Variants in SLC2A9 observed in about 807,000 individuals in gnomAD.
SLC2A9 encodes solute carrier family 2 member 9.
Under a neutral mutation model 50.6 loss-of-function variants are expected in SLC2A9, and 39 were observed. The observed-to-expected ratio is 0.77, with a 90% CI of 0.60 to 1.01. The LOEUF is 1.01. Ranked by LOEUF, SLC2A9 falls within the 50% of genes least tolerant of loss-of-function variation. SLC2A9 has a pLI of 0.00. For missense variants in SLC2A9, 686 were observed against 677.6 expected (o/e 1.01, Z -0.14); for synonymous variants, 324 against 276.9 (o/e 1.17, Z -1.69).
intron 8 of SLC2A9, among the ~76,000 whole-genome samples, chr4:9,893,792 G>T (rs1261473179): frequency 6.6e-6 from 1 of 152,150 alleles, no homozygotes; most frequent in African/African-American, 2.4e-5. Context: ...GATATCAGGG[G>T]CTTAGAGAGA....
rs1372512435 is a variant in SLC2A9, at chr4:10,008,368, T to G, written c.249+10607A>C. ...GCTGGAAAAGGTCCCTGGGCCCTCA[T>G]CAGTCAGCAGCTGTGCTGGCTCTGA... On this transcript the variant is annotated intron_variant, in intron 2 of 11. Coordinates refer to ENST00000264784, the MANE Select transcript of SLC2A9 (RefSeq NM_020041.3). Among the ~76,000 whole-genome samples, 7 of 152,336 alleles carry G rather than the reference T, an allele frequency of 4.6e-5. No homozygotes were observed. In the East Asian group the frequency reaches 1.2e-3, roughly 25 times the overall value.
At chr4:9,792,537 C>T (rs752139294) in intron 3 of SLC2A9, among the ~76,000 whole-genome samples, 2 of 151,964 alleles carry the variant, frequency 1.3e-5, no homozygotes, top group African/African-American at 2.4e-5. Context: ...AACATTGTTG[C>T]TAAAGAGTTT....
chr4:9,980,470 A>G, intron 5 of SLC2A9, 122 bp downstream of exon 5: 1 of 1,317,116 alleles, frequency 7.6e-7, no homozygotes, highest in Non-Finnish European at 1.1e-6. Flanking sequence ...TCCAATAATA[A>G]GTAAGAGGCT....
intron 5 of SLC2A9, among the ~76,000 whole-genome samples, chr4:9,965,350 C>T (rs1752898012): frequency 6.6e-6 from 1 of 152,162 alleles, no homozygotes; most frequent in Non-Finnish European, 1.5e-5. Flanking sequence ...CACACATTAT[C>T]ACCCTTTTTT....
chr4:9,900,796 A>G (rs1739458098), intron 8 of SLC2A9, among the ~76,000 whole-genome samples: 1 of 152,156 alleles, frequency 6.6e-6, no homozygotes, highest in African/African-American at 2.4e-5. Flanking sequence ...AGGAAGGAGA[A>G]TGAGTGTCCA....
intron 5 of SLC2A9, among the ~76,000 whole-genome samples, chr4:9,953,589 G>C (rs1243834419): frequency 1.3e-5 from 2 of 152,222 alleles, no homozygotes; most frequent in African/African-American, 2.4e-5. Flanking sequence ...TACATGCAAA[G>C]TGCTCAGCCT....
intron 8 of SLC2A9, among the ~76,000 whole-genome samples, chr4:9,902,179 C>T (rs1462450864): frequency 6.6e-6 from 1 of 152,240 alleles, no homozygotes; most frequent in African/African-American, 2.4e-5. Flanking sequence ...TCTCCATTCC[C>T]CTTTCTCTGC....
exon 2 of SLC2A9, chr4:9,771,320 G>A (rs1432006625): frequency 2.6e-6 from 1 of 390,624 alleles, no homozygotes; most frequent in Admixed American, 4.5e-5. Flanking sequence ...GGTGACTCAG[G>A]TATCCAGGCA....
intron 7 of SLC2A9, among the ~76,000 whole-genome samples, chr4:9,913,751 G>A (rs903909309): frequency 1.3e-5 from 2 of 152,176 alleles, no homozygotes; most frequent in African/African-American, 4.8e-5. Flanking sequence ...GAGGGGTCTG[G>A]GGTTGCTCCT....
intron 1 of SLC2A9, among the ~76,000 whole-genome samples, chr4:10,033,404 G>A (rs75968456): frequency 0.038 from 5,784 of 152,024 alleles, 180 homozygotes; most frequent in Non-Finnish European, 0.061. Context: ...TCTTCCCCCC[G>A]GCTCTGCTTC....
intron 3 of SLC2A9, among the ~76,000 whole-genome samples, chr4:9,989,177 A>G (rs1010073068): frequency 6.6e-6 from 1 of 152,092 alleles, no homozygotes; most frequent in Admixed American, 6.5e-5. Flanking sequence ...TTATATGCCC[A>G]TCCACCCCCT....
At chr4:9,856,853 T>TA (rs1730804778) in intron 10 of SLC2A9, among the ~76,000 whole-genome samples, 1 of 152,172 alleles carries the variant, frequency 6.6e-6, no homozygotes, top group East Asian at 1.9e-4. Context: ...CTAAGTCAAC[T>TA]AATATAGAAA....
At chr4:10,027,942 CT>C (rs1177536322) in intron 1 of SLC2A9, among the ~76,000 whole-genome samples, 3 of 152,194 alleles carry the variant, frequency 2.0e-5, no homozygotes. Context: ...GGCTTTATTT[CT>C]TCCATCTGTT....
At chr4:10,024,478 G>A (rs1273337245), upstream of SLC2A9, among the ~76,000 whole-genome samples, 3 of 152,226 alleles carry the variant, frequency 2.0e-5, no homozygotes, top group East Asian at 1.9e-4. Context: ...ACCACGTGAG[G>A]ACGCAGGGAG....
intron 10 of SLC2A9, among the ~76,000 whole-genome samples, chr4:9,874,663 G>A (rs1560221053): frequency 6.6e-6 from 1 of 152,252 alleles, no homozygotes; most frequent in East Asian, 1.9e-4. Flanking sequence ...CTTGTGAGTT[G>A]ATGTAGGAGA....
intron 2 of SLC2A9, among the ~76,000 whole-genome samples, chr4:10,018,486 G>A (rs1054805475): frequency 6.6e-6 from 1 of 152,008 alleles, no homozygotes; most frequent in Non-Finnish European, 1.5e-5. Context: ...CGGTTGCAGT[G>A]AGCCGAGATC....
At chr4:9,889,324 T>C (rs1349859715) in intron 9 of SLC2A9, among the ~76,000 whole-genome samples, 1 of 152,080 alleles carries the variant, frequency 6.6e-6, no homozygotes, top group African/African-American at 2.4e-5. Context: ...GAGACAAGGG[T>C]GGCCAAGCCA....
chr4:10,027,159 G>C (rs1373311593), intron 1 of SLC2A9, among the ~76,000 whole-genome samples: 2 of 152,196 alleles, frequency 1.3e-5, no homozygotes, highest in African/African-American at 4.8e-5. Flanking sequence ...ATCAGCGGTG[G>C]CCCAGGACTG....
At chr4:10,024,839 A>G (rs1323584281), upstream of SLC2A9, among the ~76,000 whole-genome samples, 1 of 152,220 alleles carries the variant, frequency 6.6e-6, no homozygotes, top group Non-Finnish European at 1.5e-5. Flanking sequence ...GGGGTTTTCT[A>G]TTGAGTATCA....
Sources: gnomAD v4.1 joint callset for allele counts (sites outside exome capture counted in the v4.1 genomes callset) on GRCh38, gnomAD v4.1.1 for gene constraint, MANE v1.5 for transcripts, NCBI Gene and HGNC (gene_info 2026-07-23, HGNC 2026-07-21) for gene names.